GSE1: variants seen among roughly 807,000 people sequenced by gnomAD.
GSE1 encodes genetic suppressor element 1.
Under a neutral mutation model 112.6 loss-of-function variants are expected in GSE1, and 32 were observed. That is an observed-to-expected ratio of 0.28 (90% CI 0.21 to 0.38). The LOEUF is 0.38. GSE1 is among the 10% of genes least tolerant of loss of function. The pLI is 1.00. For missense variants in GSE1, 2,348 were observed against 1,699.2 expected, an observed-to-expected ratio of 1.38 and a Z score of -6.71; for synonymous variants, 1,115 against 735.6, an observed-to-expected ratio of 1.52 and a Z score of -8.35.
chr16:85,604,742 CAAAAAAAAA>C (rs36152099), intron 1 of GSE1, among the ~76,000 whole-genome samples: 2 of 606 alleles, frequency 3.3e-3, no homozygotes, highest in African/African-American at 5.7e-3. Flanking sequence ...GAGATTCTGT[CAAAAAAAAA>C]AAAAAAAAAA....
intron 1 of GSE1, among the ~76,000 whole-genome samples, chr16:85,186,299 A>G (rs1443975469): frequency 1.3e-5 from 2 of 152,044 alleles, no homozygotes; most frequent in Admixed American, 6.6e-5. Flanking sequence ...GTGAGACCCC[A>G]TATGTACAAA....
chr16:85,435,908 G>C (rs2151769181), intron 2 of GSE1, among the ~76,000 whole-genome samples: 1 of 152,232 alleles, frequency 6.6e-6, no homozygotes, highest in African/African-American at 2.4e-5. Context: ...GGGGACTTGT[G>C]TGTGCCTAAG....
chr16:85,393,282 C>A (rs2047887731), intron 2 of GSE1, among the ~76,000 whole-genome samples: 1 of 152,142 alleles, frequency 6.6e-6, no homozygotes, highest in Non-Finnish European at 1.5e-5. Flanking sequence ...AAAAGGGAGG[C>A]GGGGGCACAA....
chr16:85,303,624 G>C (rs538528681), intron 1 of GSE1, among the ~76,000 whole-genome samples: 14 of 152,354 alleles, frequency 9.2e-5, no homozygotes, highest in African/African-American at 3.4e-4. Flanking sequence ...GAGGTAAACG[G>C]GGCTGCCCGA....
At chr16:85,669,351 G>C (rs1598718538) in intron 14 of GSE1, among the ~76,000 whole-genome samples, 1 of 152,242 alleles carries the variant, frequency 6.6e-6, no homozygotes, top group South Asian at 2.1e-4. Flanking sequence ...CAAACACAAA[G>C]ACTTGATTAT....
In GSE1 at chr16:85,657,603, A is replaced by G. The variant is rs780311594; in HGVS notation, c.1639A>G (p.Arg547Gly). Residue 547 changes from arginine (R) to glycine (G), a missense_variant and splice_region_variant, in exon 8 of 16, where the codon AGG (arginine) becomes GGG (glycine). Coordinates refer to ENST00000253458, the MANE Select transcript of GSE1 (RefSeq NM_014615.5). ...AGAGCACAGGCCGGAGAGCACCACC[A>G]GGTGAGTGAGCCCCAGGAAGGAAGG... ...EAEHRPESTT[R>G]PGPNRHEPGG... The G allele has an allele frequency of 2.6e-6, 4 of 1,511,520 alleles. No homozygotes were observed. Among genetic ancestry groups the G allele is most frequent in the Non-Finnish European group, 3.5e-6 (4 of 1,130,592 alleles). 93.6% of individuals were successfully genotyped at this position (1,511,520 alleles called of 1,614,324 possible).
intron 1 of GSE1, among the ~76,000 whole-genome samples, chr16:85,327,445 A>T (rs1012878455): frequency 2.6e-5 from 4 of 152,146 alleles, no homozygotes; most frequent in African/African-American, 4.8e-5. Context: ...TCTTCTAAAA[A>T]TACAAAAATT....
chr16:85,284,329 C>T (rs1597284737), intron 1 of GSE1, among the ~76,000 whole-genome samples: 1 of 152,148 alleles, frequency 6.6e-6, no homozygotes, highest in East Asian at 1.9e-4. Context: ...CAGAGCAGGC[C>T]GAGGGAAAGA....
At chr16:85,371,132 C>A (rs947331923) in intron 2 of GSE1, among the ~76,000 whole-genome samples, 4 of 152,240 alleles carry the variant, frequency 2.6e-5, no homozygotes, top group African/African-American at 9.6e-5. Flanking sequence ...CCGCCCCCCT[C>A]GTTCCTTCCC....
intron 2 of GSE1, among the ~76,000 whole-genome samples, chr16:85,383,994 CTT>C (rs138632681): frequency 0.013 from 1,953 of 152,332 alleles, 28 homozygotes; most frequent in Middle Eastern, 0.027. Flanking sequence ...TTCAAAGCCT[CTT>C]GGGCTTTCCC....
At chr16:85,338,671 G>T (rs536026042) in intron 1 of GSE1, among the ~76,000 whole-genome samples, 1 of 152,356 alleles carries the variant, frequency 6.6e-6, no homozygotes, top group East Asian at 1.9e-4. Context: ...AGGCCCGGTA[G>T]TAGTCTAAAT....
intron 2 of GSE1, among the ~76,000 whole-genome samples, chr16:85,404,370 T>C (rs1214236164): frequency 1.6e-4 from 5 of 30,974 alleles, no homozygotes; most frequent in Non-Finnish European, 2.3e-4. Flanking sequence ...AGGGCCCCCC[T>C]GGATAATCCT....
intron 11 of GSE1, 29 bp downstream of exon 11, chr16:85,663,643 G>T (rs1326551056): frequency 1.3e-6 from 2 of 1,589,752 alleles, no homozygotes; most frequent in Non-Finnish European, 1.7e-6. Flanking sequence ...AGGAAGGTGG[G>T]GGCTCACTGG....
intron 2 of GSE1, among the ~76,000 whole-genome samples, chr16:85,643,467 C>T (rs1421732501): frequency 6.6e-6 from 1 of 152,192 alleles, no homozygotes; most frequent in Non-Finnish European, 1.5e-5. Flanking sequence ...GCTCCCCACC[C>T]TTCACCCACC....
intron 1 of GSE1, among the ~76,000 whole-genome samples, chr16:85,588,405 T>C (rs1432837959): frequency 6.6e-6 from 1 of 152,210 alleles, no homozygotes; most frequent in Non-Finnish European, 1.5e-5. Flanking sequence ...GCTAGGCTGC[T>C]AATTACCAGT....
rs369757096 is a variant in GSE1, at chr16:85,654,923, G to A, written c.729G>A (p.Pro243=). ...MSSLPPLGLD[P]ATAAAYYHPS... ...CACTGCCTCCCCTCGGCCTGGACCC[G>A]GCCACTGCTGCAGCCTACTACCACC... Residue 243 remains proline, a synonymous_variant, in exon 5 of 16, where the codon CCG becomes CCA. Transcript: ENST00000253458. 1.2e-4 allele frequency: 198 copies of A among 1,610,958 alleles called. No homozygotes were observed. Among genetic ancestry groups the A allele is most frequent in the Non-Finnish European group, 1.6e-4 (190 of 1,179,560 alleles).
At chr16:85,434,076 A>G (rs982700204) in intron 2 of GSE1, among the ~76,000 whole-genome samples, 1 of 152,136 alleles carries the variant, frequency 6.6e-6, no homozygotes, top group Non-Finnish European at 1.5e-5. Flanking sequence ...GGCAGCAGAA[A>G]TTCTCCAGTA....
chr16:85,638,153 T>C (rs1250554055), intron 2 of GSE1, among the ~76,000 whole-genome samples: 1 of 152,222 alleles, frequency 6.6e-6, no homozygotes, highest in Non-Finnish European at 1.5e-5. Context: ...GCCATCTGAC[T>C]GCGATTGCCT....
At chr16:85,445,107 A>G (rs2049476862) in intron 2 of GSE1, among the ~76,000 whole-genome samples, 1 of 152,180 alleles carries the variant, frequency 6.6e-6, no homozygotes, top group South Asian at 2.1e-4. Flanking sequence ...TCCAGCCTGA[A>G]TCGCTGGTGG....
Sources: gnomAD v4.1 joint callset for allele counts (sites outside exome capture counted in the v4.1 genomes callset) on GRCh38, gnomAD v4.1.1 for gene constraint, MANE v1.5 for transcripts, NCBI Gene and HGNC (gene_info 2026-07-23, HGNC 2026-07-21) for gene names.